Variants in RGMA observed in about 807,000 individuals in gnomAD.
RGMA encodes repulsive guidance molecule BMP co-receptor a.
Under a neutral mutation model 23.2 loss-of-function variants are expected in RGMA, and 10 were observed. That is an observed-to-expected ratio of 0.43 (90% CI 0.27 to 0.73). RGMA has a LOEUF of 0.73. RGMA is among the 30% of genes least tolerant of loss of function. The probability of loss-of-function intolerance (pLI) is 0.20; values close to 1 mark genes in which losing one functional copy is unlikely to be tolerated. For missense variants in RGMA, 547 were observed against 630.5 expected, an observed-to-expected ratio of 0.87 and a Z score of 1.42; for synonymous variants, 308 against 279.3, an observed-to-expected ratio of 1.10 and a Z score of -1.03.
chr15:93,049,018 G>T (rs2054874518), intron 3 of RGMA, among the ~76,000 whole-genome samples: 1 of 152,238 alleles, frequency 6.6e-6, no homozygotes, highest in African/African-American at 2.4e-5. Flanking sequence ...AGGCTGACAG[G>T]CTGCTTGACT....
At chr15:93,068,980 A>G (rs1239820910) in intron 2 of RGMA, among the ~76,000 whole-genome samples, 1 of 152,240 alleles carries the variant, frequency 6.6e-6, no homozygotes, top group Non-Finnish European at 1.5e-5. Context: ...AATGTCTGTC[A>G]TGTATAAGCC....
In RGMA at chr15:93,045,392, GGGCA is replaced by G; in HGVS notation, c.955_958del (p.Cys319ProfsTer69). 1 of 1,613,158 alleles carries G rather than the reference GGGCA, an allele frequency of 6.2e-7. No individual in the cohort carries two copies. Among genetic ancestry groups the G allele is most frequent in the Non-Finnish European group, 8.5e-7 (1 of 1,179,840 alleles). ...CTGGAAGTCGATCTGCTGGTTGAGGGGGCAGCCCCGCAGGCAGAGGTAGAGACCC... is the reference window on the plus strand; with the variant it reads ...CTGGAAGTCGATCTGCTGGTTGAGGGGCCCCGCAGGCAGAGGTAGAGACCC... On this transcript the variant is annotated frameshift_variant, in exon 4 of 4. Transcript: ENST00000329082. LOFTEE classifies it low-confidence loss of function (END_TRUNC). The surrounding 1 kb of genome is among the most constrained non-coding windows in gnomAD (Gnocchi z 6.9).
Position 93,052,526 on chromosome 15 carries a change from A to ACACACCGTCGGGGTG in RGMA, c.131-34_131-20dup. On this transcript the variant is annotated intron_variant, in intron 2 of 3. Transcript: ENST00000329082. The stretch of plus-strand genomic sequence containing the variant: ...GAGGTGGCTGAGGAGAAAGGAACGA[A>ACACACCGTCGGGGTG]CACACCGTCGGGGTGCAGCCTGGCA... The ACACACCGTCGGGGTG allele has an allele frequency of 6.5e-7, 1 of 1,547,716 alleles. No individual in the cohort carries two copies. Among genetic ancestry groups the ACACACCGTCGGGGTG allele is most frequent in the Non-Finnish European group, 8.7e-7 (1 of 1,146,726 alleles).
chr15:93,046,207 A>G (rs1567178553), intron 3 of RGMA, among the ~76,000 whole-genome samples: 1 of 152,166 alleles, frequency 6.6e-6, no homozygotes. Context: ...TGGAATCACA[A>G]GTATCTTTAT....
chr15:93,075,476 C>T (rs1031464302), intron 1 of RGMA, among the ~76,000 whole-genome samples: 1 of 152,124 alleles, frequency 6.6e-6, no homozygotes, highest in Admixed American at 6.5e-5. Context: ...CATAATGAAC[C>T]CCATCCTAAA....
At chr15:93,080,808 C>T (rs1003847510) in intron 1 of RGMA, among the ~76,000 whole-genome samples, 10 of 152,156 alleles carry the variant, frequency 6.6e-5, no homozygotes, top group African/African-American at 2.4e-4. Context: ...CCTCTTGGAG[C>T]AGCCGTGTTT....
rs1895692348 is a variant in RGMA, at chr15:93,089,118, G to A, written c.-186C>T. ...GCTCCCGGGCTGCATGCCTGCGAGC[G>A]CCTGGCGGAGCCGGCCCGGGAGCGA... is the stretch of plus-strand genomic sequence containing the variant. On this transcript the variant is annotated 5_prime_UTR_variant, in exon 1 of 4. Coordinates refer to ENST00000329082, the MANE Select transcript of RGMA (RefSeq NM_020211.3). 2 of 348,822 alleles carry A rather than the reference G, an allele frequency of 5.7e-6. No homozygotes were observed. The highest frequency in any genetic ancestry group is 1.0e-5 in the Non-Finnish European group (2 of 195,222). 21.6% of individuals were successfully genotyped at this position (348,822 alleles called of 1,614,324 possible).
intron 2 of RGMA, among the ~76,000 whole-genome samples, chr15:93,069,106 AT>A (rs5814563): frequency 0.59 from 88,885 of 151,646 alleles, 26,570 homozygotes; most frequent in East Asian, 0.95. Flanking sequence ...CTGCTGATGC[AT>A]TTTTTTTTTG....
intron 2 of RGMA, among the ~76,000 whole-genome samples, chr15:93,056,648 C>T (rs2055019543): frequency 6.6e-6 from 1 of 152,190 alleles, no homozygotes; most frequent in Non-Finnish European, 1.5e-5. Context: ...CTCCGTGCCC[C>T]ACTATTCCCT....
chr15:93,069,301 G>T (rs879570070), intron 2 of RGMA, among the ~76,000 whole-genome samples: 2 of 152,162 alleles, frequency 1.3e-5, no homozygotes, highest in Non-Finnish European at 2.9e-5. Flanking sequence ...GTAGAAACGG[G>T]GTTTCGCTAT....
intron 2 of RGMA, among the ~76,000 whole-genome samples, chr15:93,058,435 C>A (rs1326857411): frequency 6.6e-6 from 1 of 152,236 alleles, no homozygotes; most frequent in Non-Finnish European, 1.5e-5. Flanking sequence ...GTGAGCAAAG[C>A]CGGGAGACTC....
At chr15:93,081,821 C>T (rs1322008620) in intron 1 of RGMA, among the ~76,000 whole-genome samples, 2 of 152,216 alleles carry the variant, frequency 1.3e-5, no homozygotes, top group East Asian at 3.8e-4. Context: ...CAATCCCCAG[C>T]TGATGGGAGG....
intron 1 of RGMA, among the ~76,000 whole-genome samples, chr15:93,077,976 G>A (rs1895499483): frequency 6.6e-6 from 1 of 152,208 alleles, no homozygotes; most frequent in Admixed American, 6.5e-5. Context: ...ACAAAGTGCC[G>A]GGATTATAGG....
intron 1 of RGMA, among the ~76,000 whole-genome samples, chr15:93,084,969 TC>T (rs1895614970): frequency 6.6e-6 from 1 of 152,056 alleles, no homozygotes; most frequent in African/African-American, 2.4e-5. Context: ...TTCCACCTAA[TC>T]TTGTTTAAAG....
At position 93,042,696 on chromosome 15, in the gene RGMA, T is replaced by G. The variant is rs779294135; in HGVS notation, c.*2302A>C. ...CAAGTCAGTTAATCTCAGAGTCTGT[T>G]TCATCGGCAAAATGGGCCTGAATTT... On this transcript the variant is annotated 3_prime_UTR_variant, in exon 4 of 4. Transcript: ENST00000329082. 6 of 152,290 alleles carry G rather than the reference T, an allele frequency of 3.9e-5. No individual in the cohort carries two copies. Among genetic ancestry groups the G allele is most frequent in the Non-Finnish European group, 8.8e-5 (6 of 68,078 alleles). 9.4% of individuals were successfully genotyped at this position (152,290 alleles called of 1,614,324 possible).
At chr15:93,081,294 G>A (rs1241932227) in intron 1 of RGMA, among the ~76,000 whole-genome samples, 2 of 152,180 alleles carry the variant, frequency 1.3e-5, no homozygotes, top group East Asian at 3.8e-4. Context: ...ATTGTGGGGA[G>A]CCATTCTGAG....
intron 2 of RGMA, among the ~76,000 whole-genome samples, chr15:93,057,536 C>T (rs914286164): frequency 4.6e-5 from 7 of 152,172 alleles, no homozygotes; most frequent in African/African-American, 1.7e-4. Context: ...TAGGACTTCC[C>T]ACCTCCAGAA....
chr15:93,049,270 G>A (rs1446524744), intron 3 of RGMA, among the ~76,000 whole-genome samples: 3 of 152,328 alleles, frequency 2.0e-5, no homozygotes, highest in African/African-American at 7.2e-5. Flanking sequence ...GGGGCTCGGG[G>A]TACACGAGGG....
chr15:93,052,637 A>C (rs1176210213), intron 2 of RGMA, 130 bp from the exon 3 acceptor site: 4 of 1,042,002 alleles, frequency 3.8e-6, no homozygotes, highest in African/African-American at 1.6e-5. Context: ...CCACACACAG[A>C]TGGTGAAAAA....
Sources: allele counts gnomAD v4.1 joint callset (sites outside exome capture counted in the v4.1 genomes callset), GRCh38; gene constraint gnomAD v4.1.1; non-coding constraint Gnocchi (gnomAD v3.1); transcripts MANE v1.5; gene names NCBI Gene and HGNC (gene_info 2026-07-23, HGNC 2026-07-21).